Variants in ERBB4 observed in about 807,000 individuals in gnomAD.
ERBB4 encodes receptor tyrosine-protein kinase erbB-4.
A neutral mutation model predicts 158.0 loss-of-function variants in ERBB4; 42 were observed. The observed-to-expected ratio is 0.27, with a 90% CI of 0.21 to 0.34. ERBB4 has a LOEUF of 0.34. Ranked by LOEUF, ERBB4 falls within the 10% of genes least tolerant of loss-of-function variation. ERBB4 has a pLI of 1.00. For synonymous variants in ERBB4, 583 were observed against 558.7 expected, an observed-to-expected ratio of 1.04 and a Z score of -0.61; for missense variants, 1,333 against 1,624.1, an observed-to-expected ratio of 0.82 and a Z score of 3.08.
At chr2:211,743,238 T>A (rs1358841485) in intron 5 of ERBB4, among the ~76,000 whole-genome samples, 2 of 152,328 alleles carry the variant, frequency 1.3e-5, no homozygotes, top group South Asian at 2.1e-4. Flanking sequence ...TGAGTGGTTA[T>A]CAGCCTAGAA....
chr2:211,395,281 A>G (rs909932855), intron 25 of ERBB4, among the ~76,000 whole-genome samples: 4 of 152,092 alleles, frequency 2.6e-5, no homozygotes, highest in Middle Eastern at 3.2e-3. Flanking sequence ...ATTTTTTGAA[A>G]TAAAGTTTTA....
chr2:211,843,182 A>G lies in ERBB4; in HGVS notation c.422-55023T>C, dbSNP rs1221578396. On this transcript the variant is annotated intron_variant, in intron 3 of 27. Coordinates refer to ENST00000342788, the MANE Select transcript of ERBB4 (RefSeq NM_005235.3). The stretch of plus-strand genomic sequence containing the variant: ...TATGTTGTTTTGAATATATGTTTTT[A>G]ATGACTTGCCTCTACTGATATTTCC... 3.9e-5 allele frequency among the ~76,000 whole-genome samples: 6 copies of G among 152,264 alleles called. No homozygotes were observed. The South Asian group carries it at 1.2e-3, about 32-fold the overall frequency.
intron 1 of ERBB4, among the ~76,000 whole-genome samples, chr2:212,240,510 G>A (rs112992893): frequency 0.056 from 8,490 of 151,576 alleles, 761 homozygotes; most frequent in African/African-American, 0.19. Flanking sequence ...GTGCACACCT[G>A]TATTCCCAGC....
intron 2 of ERBB4, among the ~76,000 whole-genome samples, chr2:212,094,686 T>A (rs1445551828): frequency 1.3e-5 from 2 of 152,160 alleles, no homozygotes; most frequent in African/African-American, 4.8e-5. Context: ...TCCTGAGGCC[T>A]CATCAGAAGC....
In ERBB4 at chr2:211,987,396, T is replaced by C. The variant is rs1228406630; in HGVS notation, c.235-39780A>G. ...TTTATTTTATTTATCAAAAATTATGTTGCTAAATGTTTCAGTAAATAAATT... is the reference window on the plus strand; with the variant it reads ...TTTATTTTATTTATCAAAAATTATGCTGCTAAATGTTTCAGTAAATAAATT... On this transcript the variant is annotated intron_variant, in intron 2 of 27. Coordinates refer to ENST00000342788, the MANE Select transcript of ERBB4 (RefSeq NM_005235.3). Among the ~76,000 whole-genome samples, 2 of 150,446 alleles carry C rather than the reference T, an allele frequency of 1.3e-5. 1 individual carries two copies. Among genetic ancestry groups the C allele is most frequent in the Admixed American group, 1.3e-4 (2 of 15,052 alleles).
chr2:211,525,813 C>A (rs1009708239), intron 20 of ERBB4, among the ~76,000 whole-genome samples: 1 of 152,086 alleles, frequency 6.6e-6, no homozygotes, highest in Non-Finnish European at 1.5e-5. Flanking sequence ...TGGCAATACT[C>A]CCCATGGGCC....
intron 19 of ERBB4, among the ~76,000 whole-genome samples, chr2:211,612,204 G>A (rs2069226810): frequency 6.7e-6 from 1 of 150,272 alleles, no homozygotes; most frequent in Non-Finnish European, 1.5e-5. Context: ...TAGAGAGGAT[G>A]TAAAGGAGAA....
chr2:211,640,199 G>A (rs1574908285), intron 16 of ERBB4, among the ~76,000 whole-genome samples: 1 of 152,222 alleles, frequency 6.6e-6, no homozygotes, highest in East Asian at 1.9e-4. Flanking sequence ...GATTAAGGAA[G>A]TATCTTTCTT....
intron 1 of ERBB4, among the ~76,000 whole-genome samples, chr2:212,412,982 T>G (rs905902997): frequency 2.6e-5 from 4 of 152,040 alleles, no homozygotes; most frequent in Admixed American, 6.6e-5. Context: ...TTGTTTGTTT[T>G]TTTGAGACAG....
intron 20 of ERBB4, among the ~76,000 whole-genome samples, chr2:211,433,708 A>C: frequency 6.6e-6 from 1 of 152,232 alleles, no homozygotes; most frequent in East Asian, 1.9e-4. Flanking sequence ...CACTGCCACA[A>C]TACAGAAGCA....
chr2:212,213,835 T>C (rs13384168), intron 1 of ERBB4, among the ~76,000 whole-genome samples: 6,637 of 151,918 alleles, frequency 0.044, 440 homozygotes, highest in African/African-American at 0.15. Context: ...GTTGTAGCTG[T>C]ATTCTTTAGA....
intron 20 of ERBB4, among the ~76,000 whole-genome samples, chr2:211,483,086 C>T (rs2125552328): frequency 6.6e-6 from 1 of 151,518 alleles, no homozygotes; most frequent in East Asian, 1.9e-4. Flanking sequence ...GATAAAAAGC[C>T]TATTGGATGG....
chr2:211,925,836 C>CT lies in ERBB4; in HGVS notation c.421+21593dup, dbSNP rs577943772. ...CATTTCCATTTCATACTTTTTCTCTCTTTTTTTTTACTGTTTTGTGTCTAG... is the reference window on the plus strand; with the variant it reads ...CATTTCCATTTCATACTTTTTCTCTCTTTTTTTTTTACTGTTTTGTGTCTAG... On this transcript the variant is annotated intron_variant, in intron 3 of 27. Transcript: ENST00000342788. Among the ~76,000 whole-genome samples the CT allele has an allele frequency of 1.4e-3, 217 of 151,212 alleles. 1 individual carries two copies. The highest frequency in any genetic ancestry group is 4.0e-3 in the South Asian group (19 of 4,752).
Position 212,053,146 on chromosome 2 carries a change from G to A in ERBB4, c.234+71606C>T, listed in dbSNP as rs1406177615. On this transcript the variant is annotated intron_variant, in intron 2 of 27. Coordinates refer to ENST00000342788, the MANE Select transcript of ERBB4 (RefSeq NM_005235.3). ...TGCAGTGAGCCATGATTATGTCACT[G>A]CAGTCTAGCCTGGGAAAGAGTGAGG... 2.0e-5 allele frequency among the ~76,000 whole-genome samples: 3 copies of A among 152,312 alleles called. No homozygotes were observed. In the East Asian group the frequency reaches 5.8e-4, roughly 29 times the overall value.
intron 2 of ERBB4, among the ~76,000 whole-genome samples, chr2:212,020,297 G>C (rs759550701): frequency 6.6e-6 from 1 of 151,892 alleles, no homozygotes; most frequent in African/African-American, 2.4e-5. Context: ...CAATATGCTA[G>C]GACAATATTA....
At chr2:212,068,850 C>A (rs1413495194) in intron 2 of ERBB4, among the ~76,000 whole-genome samples, 1 of 151,942 alleles carries the variant, frequency 6.6e-6, no homozygotes. Flanking sequence ...GTGTTTTGAC[C>A]ATAGGGATAG....
chr2:211,464,170 T>C (rs151293471), intron 20 of ERBB4, among the ~76,000 whole-genome samples: 22 of 152,328 alleles, frequency 1.4e-4, no homozygotes, highest in African/African-American at 5.1e-4. Context: ...TATTTTGTGA[T>C]TTCTCTAATA....
At chr2:212,213,342 G>GA (rs2082997165) in intron 1 of ERBB4, among the ~76,000 whole-genome samples, 1 of 151,906 alleles carries the variant, frequency 6.6e-6, no homozygotes, top group African/African-American at 2.4e-5. Context: ...TCAGAGAAAT[G>GA]AAAAATCAAA....
In ERBB4 at chr2:211,678,953, C is replaced by T. The variant is rs1188002640; in HGVS notation, c.1622+99G>A. The T allele has an allele frequency of 1.3e-5, 15 of 1,123,376 alleles. No individual in the cohort carries two copies. In the East Asian group the frequency reaches 1.5e-4, roughly 11 times the overall value. The allele number at this position is 1,123,376 out of a possible 1,614,324, so 69.6% of individuals were successfully genotyped here. A position where few individuals can be genotyped will look rare whatever the true frequency, so the allele number is the denominator to read the frequency against. On this transcript the variant is annotated intron_variant, in intron 13 of 27. Transcript: ENST00000342788. ...CTGCACTCCAGCCAGGGCGACAGAGCGAGACTCCGTCTCAAAAAAAAAAAA... is the reference window on the plus strand; with the variant it reads ...CTGCACTCCAGCCAGGGCGACAGAGTGAGACTCCGTCTCAAAAAAAAAAAA...
Sources: allele counts gnomAD v4.1 joint callset (sites outside exome capture counted in the v4.1 genomes callset), GRCh38; gene constraint gnomAD v4.1.1; transcripts MANE v1.5; gene names NCBI Gene and HGNC (gene_info 2026-07-23, HGNC 2026-07-21).